The following CSTF3 variants were observed in gnomAD, a reference collection of about 807,000 sequenced individuals.
The protein encoded by CSTF3 is CF-1 77 kDa subunit.
A neutral mutation model predicts 105.8 loss-of-function variants in CSTF3; 29 were observed. The observed-to-expected ratio is 0.27, with a 90% confidence interval of 0.20 to 0.37. The LOEUF (loss-of-function observed/expected upper bound fraction) is 0.37. CSTF3 is among the 10% of genes least tolerant of loss of function. The pLI, the probability that CSTF3 is intolerant of heterozygous loss-of-function variation, is 1.00. For missense variants in CSTF3, 357 were observed against 879.3 expected (o/e 0.41, Z 7.51); for synonymous variants, 252 against 281.9 (o/e 0.89, Z 1.06).
In CSTF3 at chr11:33,116,364, T is replaced by C. The variant is rs566794539; in HGVS notation, c.226-7946A>G. Among the ~76,000 whole-genome samples, 10 of 152,284 alleles carry C rather than the reference T, an allele frequency of 6.6e-5. 1 individual carries two copies. The South Asian group carries it at 2.1e-3, about 32-fold the overall frequency. Reference sequence around the variant, plus strand: ...AACAATAAAGGACTAAATTTAAGTTTAAATTATTTTGTGTATGCTCTATGT... The same window carrying C: ...AACAATAAAGGACTAAATTTAAGTTCAAATTATTTTGTGTATGCTCTATGT... On this transcript the variant is annotated intron_variant, in intron 3 of 20. Transcript: ENST00000323959.
chr11:33,100,625 G>A (rs1171565350), intron 10 of CSTF3, among the ~76,000 whole-genome samples: 1 of 152,156 alleles, frequency 6.6e-6, no homozygotes, highest in Admixed American at 6.5e-5. Flanking sequence ...AGAAAGCAAA[G>A]ATCAAAAGGA....
In CSTF3 at chr11:33,099,346, A is replaced by C. The variant is rs1855256873; in HGVS notation, c.937-196T>G. ...TTCTGGATTCTAAAAAAATTCCAAA[A>C]ACTCCTTTCATTATTTTAACTTACA... On this transcript the variant is annotated intron_variant, in intron 11 of 20. Transcript: ENST00000323959. The surrounding 1 kb of genome is among the most constrained non-coding windows in gnomAD (Gnocchi z 4.1). Among the ~76,000 whole-genome samples the C allele has an allele frequency of 6.6e-6, 1 of 152,208 alleles. No individual in the cohort carries two copies. Among genetic ancestry groups the C allele is most frequent in the Non-Finnish European group, 1.5e-5 (1 of 68,024 alleles).
Position 33,161,454 on chromosome 11 carries a change from T to C in CSTF3, c.-129A>G. On this transcript the variant is annotated 5_prime_UTR_variant, in exon 1 of 21. Transcript: ENST00000323959. ...AGCTGAGCCAGACCGCCAACACCAA[T>C]CGCCACCGCCCACTCAAATATGAAT... is the stretch of plus-strand genomic sequence containing the variant. The C allele has an allele frequency of 2.3e-6, 2 of 884,622 alleles. No homozygotes were observed. Among genetic ancestry groups the C allele is most frequent in the East Asian group, 2.6e-5 (1 of 38,542 alleles). 54.8% of individuals were successfully genotyped at this position (884,622 alleles called of 1,614,324 possible). A position where few individuals can be genotyped will look rare whatever the true frequency, so the allele number is the denominator to read the frequency against.
chr11:33,126,442 C>T (rs951502307), intron 3 of CSTF3, among the ~76,000 whole-genome samples: 2 of 151,544 alleles, frequency 1.3e-5, no homozygotes, highest in South Asian at 2.1e-4. Context: ...AGAGTAAGAA[C>T]CTGACTCCAA....
intron 15 of CSTF3, 44 bp downstream of exon 15, chr11:33,096,262 G>T: frequency 8.1e-7 from 1 of 1,240,716 alleles, no homozygotes; most frequent in South Asian, 1.5e-5. Flanking sequence ...AATTCCACAT[G>T]GTTTAATATT....
rs1855221831 is a variant in CSTF3 at position 33,096,242 on chromosome 11, C to A, written c.1375+64G>T. The A allele has an allele frequency of 6.2e-6, 7 of 1,134,602 alleles. No homozygotes were observed. The East Asian group carries it at 1.9e-4, about 31-fold the overall frequency. 70.3% of individuals were successfully genotyped at this position (1,134,602 alleles called of 1,614,324 possible). On this transcript the variant is annotated intron_variant, in intron 15 of 20. Transcript: ENST00000323959. ...ATAATACATTCAAGAAGGAAGAAAT[C>A]TAGCAACATAATTCCACATGGTTTA...
At chr11:33,149,014 T>C (rs547298492) in intron 1 of CSTF3, among the ~76,000 whole-genome samples, 1 of 152,180 alleles carries the variant, frequency 6.6e-6, no homozygotes, top group African/African-American at 2.4e-5. Flanking sequence ...TATAGTAATA[T>C]ATACTTAATA....
Position 33,118,235 on chromosome 11 carries a change from T to A in CSTF3, c.226-9817A>T, listed in dbSNP as rs1008019808. Among the ~76,000 whole-genome samples, 23 of 151,882 alleles carry A rather than the reference T, an allele frequency of 1.5e-4. 1 individual carries two copies. Among genetic ancestry groups the A allele is most frequent in the African/African-American group, 5.3e-4 (22 of 41,414 alleles). On this transcript the variant is annotated intron_variant, in intron 3 of 20. Transcript: ENST00000323959. ...CCTCTCAAATTCTTAGCCAGGCCTA[T>A]GAGGATTTAAAAAGTTAAATAAATG...
At chr11:33,097,619 G>C (rs1393957492) in intron 13 of CSTF3, among the ~76,000 whole-genome samples, 2 of 152,072 alleles carry the variant, frequency 1.3e-5, no homozygotes, top group Non-Finnish European at 2.9e-5. Flanking sequence ...TGCCTGCCTC[G>C]ACCTCCCAAA....
chr11:33,139,269 TCA>T (rs1244112506), intron 3 of CSTF3, among the ~76,000 whole-genome samples: 1 of 151,804 alleles, frequency 6.6e-6, no homozygotes, highest in African/African-American at 2.4e-5. Context: ...GTATTTGGAG[TCA>T]CACAAGTTGG....
At chr11:33,152,387 C>T (rs1849796109) in intron 1 of CSTF3, among the ~76,000 whole-genome samples, 1 of 152,178 alleles carries the variant, frequency 6.6e-6, no homozygotes, top group Admixed American at 6.5e-5. Flanking sequence ...CCTCAGCCTC[C>T]CAAATAGCTG....
intron 16 of CSTF3, among the ~76,000 whole-genome samples, chr11:33,092,022 T>C (rs908607188): frequency 5.3e-5 from 8 of 152,202 alleles, no homozygotes; most frequent in African/African-American, 1.7e-4. Context: ...GTTAGGGATA[T>C]ATAGTATACA....
intron 1 of CSTF3, among the ~76,000 whole-genome samples, chr11:33,145,946 G>A (rs1489657626): frequency 6.6e-6 from 1 of 152,032 alleles, no homozygotes; most frequent in Non-Finnish European, 1.5e-5. Context: ...AGTAGAAACT[G>A]ATCAATGTGG....
intron 3 of CSTF3, among the ~76,000 whole-genome samples, chr11:33,116,189 C>T (rs978795370): frequency 3.3e-5 from 5 of 152,072 alleles, no homozygotes; most frequent in Non-Finnish European, 5.9e-5. Flanking sequence ...CTTGTACTAA[C>T]CATTAGGTAT....
Position 33,096,706 on chromosome 11 carries a change from G to T in CSTF3, c.1272+129C>A, listed in dbSNP as rs1185462217. On this transcript the variant is annotated intron_variant, in intron 14 of 20. Coordinates refer to ENST00000323959, the MANE Select transcript of CSTF3 (RefSeq NM_001326.3). ...ATGATGCTCCATAAAATTTTACACA[G>T]ATACACTTAGACTGCCTTTACAAAA... The T allele has an allele frequency of 5.8e-6, 5 of 858,830 alleles. No individual in the cohort carries two copies. The African/African-American group carries it at 8.5e-5, about 15-fold the overall frequency. The allele number at this position is 858,830 out of a possible 1,614,324, so 53.2% of individuals were successfully genotyped here.
In CSTF3 at chr11:33,157,464, A is replaced by C. The variant is rs192399934; in HGVS notation, c.27+3835T>G. The stretch of plus-strand genomic sequence containing the variant: ...TAGGGGGGTAAACCTATATGCAAAT[A>C]GTTTTTTCACCATTAAACTGGCAAA... On this transcript the variant is annotated intron_variant, in intron 1 of 20. Coordinates refer to ENST00000323959, the MANE Select transcript of CSTF3 (RefSeq NM_001326.3). 1.7e-3 allele frequency among the ~76,000 whole-genome samples: 254 copies of C among 152,364 alleles called. 2 individuals carry two copies. Among genetic ancestry groups the C allele is most frequent in the African/African-American group, 5.8e-3 (241 of 41,586 alleles).
intron 7 of CSTF3, 25 bp downstream of exon 7, chr11:33,105,857 TA>T (rs752579872): frequency 5.5e-5 from 84 of 1,523,038 alleles, no homozygotes; most frequent in Middle Eastern, 1.7e-4. Flanking sequence ...ACTGTAGATG[TA>T]AAAAAAAACT....
chr11:33,133,425 A>G (rs989523908), intron 3 of CSTF3, among the ~76,000 whole-genome samples: 7 of 152,268 alleles, frequency 4.6e-5, no homozygotes, highest in African/African-American at 1.7e-4. Context: ...GAACCACATC[A>G]TGAAAACTGA....
At chr11:33,098,969 GA>G in intron 12 of CSTF3, 64 bp downstream of exon 12, 1 of 1,519,982 alleles carries the variant, frequency 6.6e-7, no homozygotes, top group Non-Finnish European at 8.7e-7. Flanking sequence ...CAAGCAGCCA[GA>G]AAAAAAGTTC....
Sources: gnomAD v4.1 joint callset for allele counts (sites outside exome capture counted in the v4.1 genomes callset) on GRCh38, gnomAD v4.1.1 for gene constraint, Gnocchi (gnomAD v3.1) non-coding constraint, MANE v1.5 for transcripts, NCBI Gene and HGNC (gene_info 2026-07-23, HGNC 2026-07-21) for gene names.